Variants in HMGCLL1 observed in about 807,000 individuals in gnomAD.
HMGCLL1 encodes the protein 3-hydroxy-3-methylglutaryl-CoA lyase like 1.
Under a neutral mutation model 39.1 loss-of-function variants are expected in HMGCLL1, and 36 were observed. That is an observed-to-expected ratio of 0.92 (90% CI 0.71 to 1.22). The LOEUF is 1.22. Among genes scored for constraint, HMGCLL1 ranks in the 50% most tolerant of loss-of-function variants. The pLI, the probability that HMGCLL1 is intolerant of heterozygous loss-of-function variation, is 0.00. For synonymous variants in HMGCLL1, 149 were observed against 144.0 expected, an observed-to-expected ratio of 1.03 and a Z score of -0.25; for missense variants, 451 against 416.5, an observed-to-expected ratio of 1.08 and a Z score of -0.72.
intron 7 of HMGCLL1, among the ~76,000 whole-genome samples, chr6:55,465,583 T>C (rs1349849070): frequency 6.6e-6 from 1 of 152,120 alleles, no homozygotes; most frequent in Admixed American, 6.6e-5. Context: ...ATGATATTCA[T>C]GGTAAGTTTC....
At chr6:55,579,431 A>G (rs1771931450), upstream of HMGCLL1, among the ~76,000 whole-genome samples, 2 of 152,190 alleles carry the variant, frequency 1.3e-5, no homozygotes, top group African/African-American at 4.8e-5. Flanking sequence ...GATCAGGTGT[A>G]GAAGAAAAGG....
At chr6:55,585,394 T>A in the HMGCLL1 span, among the ~76,000 whole-genome samples, 1 of 152,126 alleles carries the variant, frequency 6.6e-6, no homozygotes, top group African/African-American at 2.4e-5. Flanking sequence ...GAAATCCGCA[T>A]ATTTTTTGCC....
the HMGCLL1 span, among the ~76,000 whole-genome samples, chr6:55,628,185 A>AAT: frequency 5.3e-5 from 4 of 75,830 alleles, no homozygotes; most frequent in East Asian, 7.4e-4. Context: ...CTATATATAT[A>AAT]ATATATATAT....
chr6:55,657,107 T>C, the HMGCLL1 span, among the ~76,000 whole-genome samples: 646 of 152,186 alleles, frequency 4.2e-3, 25 homozygotes, highest in East Asian at 0.088. Flanking sequence ...TATACCTTTG[T>C]CAGATGCATA....
At chr6:55,474,864 T>C (rs1193744160) in intron 7 of HMGCLL1, among the ~76,000 whole-genome samples, 1 of 151,670 alleles carries the variant, frequency 6.6e-6, no homozygotes, top group Non-Finnish European at 1.5e-5. Flanking sequence ...TGTCTTTGCC[T>C]TTTCTATATA....
the HMGCLL1 span, among the ~76,000 whole-genome samples, chr6:55,632,062 A>T: frequency 6.6e-6 from 1 of 152,118 alleles, no homozygotes; most frequent in Non-Finnish European, 1.5e-5. Context: ...TAAAATTTTT[A>T]AGTGAAGTCA....
chr6:55,616,537 A>G, the HMGCLL1 span, among the ~76,000 whole-genome samples: 1 of 152,128 alleles, frequency 6.6e-6, no homozygotes, highest in African/African-American at 2.4e-5. Context: ...GTTTTAAGCT[A>G]GTCATTTTGA....
intron 1 of HMGCLL1, among the ~76,000 whole-genome samples, chr6:55,555,536 A>G (rs1434343873): frequency 6.6e-6 from 1 of 152,164 alleles, no homozygotes; most frequent in East Asian, 1.9e-4. Flanking sequence ...GCTGTGTCCC[A>G]ATCTTTAGAA....
At chr6:55,435,795 C>A in intron 8 of HMGCLL1, 32 bp from the exon 9 acceptor site, 2 of 1,178,078 alleles carry the variant, frequency 1.7e-6, no homozygotes, top group Admixed American at 2.0e-5. Flanking sequence ...ATCAGGAAGG[C>A]AGAGGGATTA....
the HMGCLL1 span, among the ~76,000 whole-genome samples, chr6:55,647,582 A>G: frequency 6.6e-6 from 1 of 151,686 alleles, no homozygotes; most frequent in East Asian, 1.9e-4. Context: ...TTGAGTTACC[A>G]TGAGGCTTGC....
chr6:55,435,757 T>TCACA lies in HMGCLL1; in HGVS notation c.924_927dup (p.Asn310CysfsTer11). 6.4e-7 allele frequency: 1 copy of TCACA among 1,562,492 alleles called. No homozygotes were observed. Among genetic ancestry groups the TCACA allele is most frequent in the Non-Finnish European group, 8.7e-7 (1 of 1,144,842 alleles). ...CCAGCTTCCATCACTTTGTATAGATTCACACCCTGGTGACGAAATGAAGGA... is the reference window on the plus strand; with the variant it reads ...CCAGCTTCCATCACTTTGTATAGATTCACACACACCCTGGTGACGAAATGAAGGA... On this transcript the variant is annotated frameshift_variant, in exon 9 of 9. Transcript: ENST00000274901. LOFTEE classifies it high-confidence loss of function.
chr6:55,513,915 C>A, intron 5 of HMGCLL1, 133 bp downstream of exon 5: 2 of 753,304 alleles, frequency 2.7e-6, no homozygotes, highest in Non-Finnish European at 4.2e-6. Context: ...TAGTGATTAC[C>A]CTGATTAAAC....
chr6:55,527,689 C>T (rs763189370), intron 3 of HMGCLL1, among the ~76,000 whole-genome samples: 2 of 152,010 alleles, frequency 1.3e-5, no homozygotes, highest in Non-Finnish European at 2.9e-5. Context: ...TTTATGGTGA[C>T]TTTCTTGTCT....
chr6:55,650,130 T>TACACAC, the HMGCLL1 span, among the ~76,000 whole-genome samples: 1 of 51,066 alleles, frequency 2.0e-5, no homozygotes, highest in Non-Finnish European at 3.6e-5. Context: ...TATATATATA[T>TACACAC]ATATACACAC....
At chr6:55,511,909 CAT>C (rs1767484261) in intron 5 of HMGCLL1, among the ~76,000 whole-genome samples, 2 of 152,022 alleles carry the variant, frequency 1.3e-5, no homozygotes, top group Non-Finnish European at 1.5e-5. Context: ...CACTGGAAAA[CAT>C]ACATTTGTCT....
chr6:55,654,541 T>C, the HMGCLL1 span, among the ~76,000 whole-genome samples: 1 of 151,894 alleles, frequency 6.6e-6, no homozygotes, highest in South Asian at 2.1e-4. Flanking sequence ...ACTATCTTCC[T>C]GGCAATTAAA....
At chr6:55,454,449 G>A (rs1764238391) in intron 7 of HMGCLL1, among the ~76,000 whole-genome samples, 1 of 152,158 alleles carries the variant, frequency 6.6e-6, no homozygotes, top group African/African-American at 2.4e-5. Flanking sequence ...CAGTGGCTCA[G>A]GTAACTTCAA....
intron 4 of HMGCLL1, among the ~76,000 whole-genome samples, chr6:55,514,541 T>C (rs886450873): frequency 1.4e-4 from 21 of 152,044 alleles, no homozygotes; most frequent in African/African-American, 4.3e-4. Flanking sequence ...AAAACCCTTA[T>C]CCTCCATGAA....
chr6:55,497,006 G>A (rs1766614562), intron 6 of HMGCLL1, among the ~76,000 whole-genome samples: 1 of 152,048 alleles, frequency 6.6e-6, no homozygotes, highest in South Asian at 2.1e-4. Context: ...AAATGGTAGA[G>A]TCATTTAATA....
Sources: allele counts gnomAD v4.1 joint callset (sites outside exome capture counted in the v4.1 genomes callset), GRCh38; gene constraint gnomAD v4.1.1; transcripts MANE v1.5; gene names NCBI Gene and HGNC (gene_info 2026-07-23, HGNC 2026-07-21).